BAZ1A: variants seen among roughly 807,000 people sequenced by gnomAD.
The protein encoded by BAZ1A is bromodomain adjacent to zinc finger domain 1A.
A neutral mutation model predicts 185.2 loss-of-function variants in BAZ1A; 50 were observed. The ratio of observed to expected loss-of-function variants is 0.27; its 90% CI spans 0.22 to 0.34. BAZ1A has a LOEUF of 0.34. Ranked by LOEUF, BAZ1A falls within the 10% of genes least tolerant of loss-of-function variation. The probability of loss-of-function intolerance (pLI) is 1.00; values close to 1 mark genes in which losing one functional copy is unlikely to be tolerated. For synonymous variants in BAZ1A, 571 were observed against 615.6 expected (o/e 0.93, Z 1.07); for missense variants, 1,356 against 1,839.9 (o/e 0.74, Z 4.81).
chr14:34,797,330 C>T (rs551777454), intron 9 of BAZ1A, among the ~76,000 whole-genome samples: 8 of 152,110 alleles, frequency 5.3e-5, no homozygotes, highest in South Asian at 2.1e-4. Flanking sequence ...GAGGTCGAGG[C>T]GGGCAGATCA....
In BAZ1A at chr14:34,819,584, C is replaced by T. The variant is rs138541757; in HGVS notation, c.536+6429G>A. Among the ~76,000 whole-genome samples the T allele has an allele frequency of 2.5e-4, 38 of 152,190 alleles. 1 individual carries two copies. Among genetic ancestry groups the T allele is most frequent in the Admixed American group, 5.9e-4 (9 of 15,272 alleles). ...AGTACATGTGCATTTAAACTTTCTCCGTGTTTTTTCATGGTTTAATATCTA... is the reference window on the plus strand; with the variant it reads ...AGTACATGTGCATTTAAACTTTCTCTGTGTTTTTTCATGGTTTAATATCTA... On this transcript the variant is annotated intron_variant, in intron 4 of 26. Coordinates refer to ENST00000360310, the MANE Select transcript of BAZ1A (RefSeq NM_013448.3).
rs561470743 is a variant in BAZ1A, at chr14:34,840,410, A to AT, written c.393-14255dup. On this transcript the variant is annotated intron_variant, in intron 3 of 26. Transcript: ENST00000360310. Reference sequence around the variant, plus strand: ...ATTTATGTACATCAAAATAAAGTACATAAAAACAACTGAAAGAATTTACAA... The same window carrying AT: ...ATTTATGTACATCAAAATAAAGTACATTAAAAACAACTGAAAGAATTTACAA... 2.5e-3 allele frequency among the ~76,000 whole-genome samples: 388 copies of AT among 152,332 alleles called. 2 individuals carry two copies. Among genetic ancestry groups the AT allele is most frequent in the Non-Finnish European group, 4.4e-3 (298 of 68,030 alleles).
At chr14:34,844,161 G>A (rs1209944717) in intron 3 of BAZ1A, among the ~76,000 whole-genome samples, 10 of 141,336 alleles carry the variant, frequency 7.1e-5, no homozygotes, top group African/African-American at 1.9e-4. Flanking sequence ...AGCAGAGATC[G>A]CGCCACTGCA....
At chr14:34,838,707 T>C (rs1462956775) in intron 3 of BAZ1A, among the ~76,000 whole-genome samples, 1 of 151,968 alleles carries the variant, frequency 6.6e-6, no homozygotes, top group African/African-American at 2.4e-5. Flanking sequence ...GTATTTTTAG[T>C]AGAGACAGGG....
Position 34,800,273 on chromosome 14 carries a change from C to T in BAZ1A, c.1079G>A (p.Arg360Lys). The change falls in exon 9 of 27, where the codon AGA (arginine) becomes AAA (lysine). Residue 360 changes from arginine (R) to lysine (K), a missense_variant. Physicochemically the swap from Arg to Lys is conservative, Grantham distance 26. Coordinates refer to ENST00000360310, the MANE Select transcript of BAZ1A (RefSeq NM_013448.3). ...EELKKIVEEERLKKKEEKERL... is the reference protein window; with the variant it reads ...EELKKIVEEEKLKKKEEKERL... ...CTCTTTTTCTTCTTTTTTCTTTAGT[C>T]TCTCTTCTTCAACAATTTTTTTCAA... is the stretch of plus-strand genomic sequence containing the variant. 2 of 1,429,868 alleles carry T rather than the reference C, an allele frequency of 1.4e-6. No individual in the cohort carries two copies. Among genetic ancestry groups the T allele is most frequent in the Non-Finnish European group, 1.9e-6 (2 of 1,054,966 alleles). The allele number at this position is 1,429,868 out of a possible 1,614,324, so 88.6% of individuals were successfully genotyped here.
rs1881657655 is a variant in BAZ1A at position 34,803,097 on chromosome 14, T to C, written c.727-109A>G. On this transcript the variant is annotated intron_variant, in intron 6 of 26. Transcript: ENST00000360310. The stretch of plus-strand genomic sequence containing the variant: ...TATTAATGCTGTTAAAAGATCAGGA[T>C]AGGCTGGGCACAGTGGCTCATGCCT... 4.1e-6 allele frequency: 5 copies of C among 1,215,264 alleles called. No homozygotes were observed. In the Admixed American group the frequency reaches 8.1e-5, roughly 20 times the overall value. 75.3% of individuals were successfully genotyped at this position (1,215,264 alleles called of 1,614,324 possible). A position where few individuals can be genotyped will look rare whatever the true frequency, so the allele number is the denominator to read the frequency against.
chr14:34,764,791 C>T lies in BAZ1A; in HGVS notation c.3692G>A (p.Gly1231Asp). 6.2e-7 allele frequency: 1 copy of T among 1,611,798 alleles called. No homozygotes were observed. Among genetic ancestry groups the T allele is most frequent in the Middle Eastern group, 1.7e-4 (1 of 6,058 alleles). ...CTCACTTTGACCTTCTTCTTCATCG[C>T]CATCAACTTCATCATCCTCACCTCC... ...SMGGEDDEVD[G>D]DEEEGQSEEE... Residue 1231 changes from glycine (G) to aspartate (D), a missense_variant, in exon 23 of 27, where the codon GGC becomes GAC. Physicochemically the swap from Gly to Asp is moderately conservative, Grantham distance 94. This residue lies in a region of BAZ1A where 309 missense variants were observed against 355.3 expected (regional missense o/e 0.87). Coordinates refer to ENST00000360310, the MANE Select transcript of BAZ1A (RefSeq NM_013448.3).
At chr14:34,825,499 T>C (rs540472564) in intron 4 of BAZ1A, among the ~76,000 whole-genome samples, 2 of 128,266 alleles carry the variant, frequency 1.6e-5, no homozygotes, top group Non-Finnish European at 3.3e-5. Flanking sequence ...GATGTATAAA[T>C]GACTGAATGA....
Position 34,765,275 on chromosome 14 carries a change from T to G in BAZ1A, c.3302-7A>C, listed in dbSNP as rs1036431139. 6.2e-7 allele frequency: 1 copy of G among 1,610,642 alleles called. No individual in the cohort carries two copies. Among genetic ancestry groups the G allele is most frequent in the African/African-American group, 1.3e-5 (1 of 74,882 alleles). ...CGCCCACTGTCACTGGCATCTTAAA[T>G]GAAAAGGGAAAGTGATTACAATTTT... is the stretch of plus-strand genomic sequence containing the variant. On this transcript the variant is annotated splice_polypyrimidine_tract_variant and splice_region_variant and intron_variant, in intron 21 of 26. Coordinates refer to ENST00000360310, the MANE Select transcript of BAZ1A (RefSeq NM_013448.3).
intron 17 of BAZ1A, among the ~76,000 whole-genome samples, chr14:34,779,351 T>C (rs532089068): frequency 2.2e-4 from 33 of 152,062 alleles, no homozygotes; most frequent in Middle Eastern, 6.8e-3. Flanking sequence ...TATTCAGTAA[T>C]GATTAGTTTG....
Position 34,775,908 on chromosome 14 carries a change from T to G in BAZ1A, c.2833+11A>C. ...GAAAAAAAGTAAAAACAATTTTCATTGAAAATTTACCTGAAAAATGAAATT... is the reference window on the plus strand; with the variant it reads ...GAAAAAAAGTAAAAACAATTTTCATGGAAAATTTACCTGAAAAATGAAATT... On this transcript the variant is annotated intron_variant, in intron 18 of 26. Transcript: ENST00000360310. The G allele has an allele frequency of 6.4e-7, 1 of 1,557,984 alleles. No homozygotes were observed. Among genetic ancestry groups the G allele is most frequent in the African/African-American group, 1.4e-5 (1 of 72,502 alleles).
Position 34,824,408 on chromosome 14 carries a change from C to CAAA in BAZ1A, c.536+1602_536+1604dup. 1.4e-3 allele frequency among the ~76,000 whole-genome samples: 95 copies of CAAA among 65,748 alleles called. 1 individual carries two copies. The highest frequency in any genetic ancestry group is 5.5e-3 in the South Asian group (8 of 1,462). The allele number at this position is 65,748 out of a possible 152,430, so 43.1% of individuals were successfully genotyped here. A position where few individuals can be genotyped will look rare whatever the true frequency, so the allele number is the denominator to read the frequency against. On this transcript the variant is annotated intron_variant, in intron 4 of 26. Transcript: ENST00000360310. ...AAAAAAAAAAAAAAAAGCAGCAACT[C>CAAA]AAAAAAAAAAAAAAAAAAAGAAGAG... is the stretch of plus-strand genomic sequence containing the variant.
chr14:34,826,780 A>G (rs146885419), intron 3 of BAZ1A, among the ~76,000 whole-genome samples: 2,991 of 152,300 alleles, frequency 0.02, 36 homozygotes, highest in East Asian at 0.034. Flanking sequence ...AGGCAAAAGC[A>G]GATAGTCGCT....
chr14:34,816,178 C>A (rs2042004022), intron 4 of BAZ1A, among the ~76,000 whole-genome samples: 1 of 142,594 alleles, frequency 7.0e-6, no homozygotes, highest in African/African-American at 2.6e-5. Flanking sequence ...ACCTTCGACT[C>A]CTGGGTTCAA....
chr14:34,799,325 T>C (rs1881377192), intron 9 of BAZ1A, among the ~76,000 whole-genome samples: 2 of 151,974 alleles, frequency 1.3e-5, no homozygotes, highest in South Asian at 4.2e-4. Flanking sequence ...ATGGCACATG[T>C]ATACCTATGT....
chr14:34,756,110 T>G (rs1886229524), intron 25 of BAZ1A, among the ~76,000 whole-genome samples: 1 of 122,558 alleles, frequency 8.2e-6, no homozygotes. Context: ...CAAACTGGTT[T>G]TTTTCTTTTT....
chr14:34,859,312 T>C (rs1322873030), intron 3 of BAZ1A, among the ~76,000 whole-genome samples: 3 of 151,850 alleles, frequency 2.0e-5, no homozygotes, highest in African/African-American at 7.3e-5. Flanking sequence ...CACATGCCTA[T>C]AGTCCCAGCT....
rs773739634 is a variant in BAZ1A at position 34,771,575 on chromosome 14, A to G, written c.3237T>C (p.Tyr1079=). ...TPQSVSSVVH[Y]LAMALFQIEQ... is the part of the protein sequence containing the mutation. The stretch of plus-strand genomic sequence containing the variant: ...CTATTTGAAAGAGTGCCATTGCCAG[A>G]TAATGAACCACACTGCTCACTGATT... The change falls in exon 21 of 27, where the codon TAT becomes TAC. Residue 1079 remains tyrosine, a synonymous_variant. Coordinates refer to ENST00000360310, the MANE Select transcript of BAZ1A (RefSeq NM_013448.3). 5.0e-6 allele frequency: 8 copies of G among 1,614,152 alleles called. No individual in the cohort carries two copies. In the South Asian group the frequency reaches 8.8e-5, roughly 18 times the overall value.
chr14:34,818,982 A>T (rs1032148136), intron 4 of BAZ1A, among the ~76,000 whole-genome samples: 4 of 151,812 alleles, frequency 2.6e-5, no homozygotes, highest in African/African-American at 9.7e-5. Context: ...TCTACTAAAA[A>T]TACAAAAAAT....
Sources: gnomAD v4.1 joint callset for allele counts (sites outside exome capture counted in the v4.1 genomes callset) on GRCh38, gnomAD v4.1.1 for gene constraint, gnomAD v4.1.1 regional missense constraint, MANE v1.5 for transcripts, NCBI Gene and HGNC (gene_info 2026-07-23, HGNC 2026-07-21) for gene names.